Variants in GNAL observed in about 807,000 individuals in gnomAD.
GNAL encodes the protein G protein subunit alpha L.
In GNAL, 18 loss-of-function variants were observed where a neutral mutation model predicts 55.1. That is an observed-to-expected ratio of 0.33 (90% CI 0.23 to 0.48). The LOEUF is 0.48. GNAL is among the 20% of genes least tolerant of loss of function. The pLI, the probability that GNAL is intolerant of heterozygous loss-of-function variation, is 0.99. For synonymous variants in GNAL, 253 were observed against 237.0 expected, an observed-to-expected ratio of 1.07 and a Z score of -0.62; for missense variants, 412 against 614.1, an observed-to-expected ratio of 0.67 and a Z score of 3.48.
rs1455442199 is a variant in GNAL, at chr18:11,769,138, A to G, written c.624+15193A>G. 1.6e-4 allele frequency among the ~76,000 whole-genome samples: 19 copies of G among 121,480 alleles called. No homozygotes were observed. In the Admixed American group the frequency reaches 1.7e-3, roughly 11 times the overall value. 79.7% of individuals were successfully genotyped at this position (121,480 alleles called of 152,430 possible). A position where few individuals can be genotyped will look rare whatever the true frequency, so the allele number is the denominator to read the frequency against. ...ATATAAATTATATGTAATATATATT[A>G]TAATATAGATTATATAAATTATATG... is the stretch of plus-strand genomic sequence containing the variant. On this transcript the variant is annotated intron_variant, in intron 4 of 11. Transcript: ENST00000334049.
chr18:11,703,642 C>T (rs1421094357), intron 1 of GNAL, among the ~76,000 whole-genome samples: 3 of 152,188 alleles, frequency 2.0e-5, no homozygotes, highest in Non-Finnish European at 4.4e-5. Flanking sequence ...ATCCAGTGGA[C>T]TTCGCTGTGC....
At position 11,752,259 on chromosome 18, in the gene GNAL, G is replaced by T; in HGVS notation, c.377-594G>T. ...CCATTTAGTTGGGAGTTTGCGGTGG[G>T]CAGGGGGAGGGAGAAGAAACGCCTG... is the stretch of plus-strand genomic sequence containing the variant. On this transcript the variant is annotated intron_variant, in intron 1 of 11. Transcript: ENST00000334049. The surrounding 1 kb of genome is among the most constrained non-coding windows in gnomAD (Gnocchi z 4.5). 1 of 1,344,068 alleles carries T rather than the reference G, an allele frequency of 7.4e-7. No homozygotes were observed. Among genetic ancestry groups the T allele is most frequent in the African/African-American group, 1.5e-5 (1 of 65,850 alleles). The allele number at this position is 1,344,068 out of a possible 1,614,324, so 83.3% of individuals were successfully genotyped here.
At position 11,882,764 on chromosome 18, in the gene GNAL, C is replaced by T. The variant is rs2036735896; in HGVS notation, c.*1629C>T. 2 of 151,820 alleles carry T rather than the reference C, an allele frequency of 1.3e-5. No homozygotes were observed. Among genetic ancestry groups the T allele is most frequent in the African/African-American group, 4.8e-5 (2 of 41,310 alleles). The allele number at this position is 151,820 out of a possible 1,614,324, so 9.4% of individuals were successfully genotyped here. Reference sequence around the variant, plus strand: ...GAATGAGGATGACAGCTTCACTTGCCTTTTGAAGAAGAAACATTACAAAAC... The same window carrying T: ...GAATGAGGATGACAGCTTCACTTGCTTTTTGAAGAAGAAACATTACAAAAC... On this transcript the variant is annotated 3_prime_UTR_variant, in exon 12 of 12. Coordinates refer to ENST00000334049, the MANE Select transcript of GNAL (RefSeq NM_182978.4).
At chr18:11,842,635 G>T (rs2035644138) in intron 5 of GNAL, among the ~76,000 whole-genome samples, 1 of 152,006 alleles carries the variant, frequency 6.6e-6, no homozygotes, top group African/African-American at 2.4e-5. Context: ...TTACAATAGG[G>T]TTCGTGCTCC....
intron 4 of GNAL, 71 bp downstream of exon 4, chr18:11,754,016 G>T: frequency 3.6e-6 from 4 of 1,115,028 alleles, no homozygotes; most frequent in Non-Finnish European, 5.4e-6. Flanking sequence ...TTCTTATTGA[G>T]AATCAATATT....
intron 1 of GNAL, among the ~76,000 whole-genome samples, chr18:11,705,698 C>T (rs1020069133): frequency 6.6e-6 from 1 of 150,776 alleles, no homozygotes; most frequent in East Asian, 1.9e-4. Context: ...TGCCATTTTC[C>T]TCATGATTAA....
intron 1 of GNAL, among the ~76,000 whole-genome samples, chr18:11,708,639 A>C (rs2031768539): frequency 6.6e-6 from 1 of 152,232 alleles, no homozygotes; most frequent in African/African-American, 2.4e-5. Context: ...ATTTATTAAA[A>C]ATTTGTAAAT....
chr18:11,754,014 G>A (rs1382174791), intron 4 of GNAL, 69 bp downstream of exon 4: 7 of 1,177,244 alleles, frequency 5.9e-6, no homozygotes, highest in African/African-American at 1.5e-5. Context: ...GTTTCTTATT[G>A]AGAATCAATA....
intron 4 of GNAL, among the ~76,000 whole-genome samples, chr18:11,787,716 T>C (rs998268855): frequency 1.3e-5 from 2 of 151,824 alleles, no homozygotes; most frequent in Non-Finnish European, 2.9e-5. Context: ...CTACTAAAAA[T>C]ACAAAAAATT....
At chr18:11,754,366 G>A (rs1255563115) in intron 4 of GNAL, among the ~76,000 whole-genome samples, 1 of 151,084 alleles carries the variant, frequency 6.6e-6, no homozygotes, top group Admixed American at 6.6e-5. Flanking sequence ...GCCATGAGCC[G>A]AGATCACGCC....
At chr18:11,811,747 A>T (rs950774797) in intron 4 of GNAL, among the ~76,000 whole-genome samples, 2 of 152,216 alleles carry the variant, frequency 1.3e-5, no homozygotes, top group African/African-American at 4.8e-5. Flanking sequence ...CAAAAAAGGA[A>T]TCTCCTTTCT....
At chr18:11,796,402 C>T (rs931149327) in intron 4 of GNAL, among the ~76,000 whole-genome samples, 1 of 151,822 alleles carries the variant, frequency 6.6e-6, no homozygotes, top group Non-Finnish European at 1.5e-5. Context: ...ACGGTGAAAC[C>T]CCGTCTCTAC....
chr18:11,728,497 C>T (rs918051527), intron 1 of GNAL, among the ~76,000 whole-genome samples: 2 of 152,192 alleles, frequency 1.3e-5, no homozygotes, highest in Non-Finnish European at 2.9e-5. Flanking sequence ...CATCAAGTCT[C>T]AGCAGCACAG....
rs749489556 is a variant in GNAL, at chr18:11,884,633, A to G, written c.*3498A>G. The G allele has an allele frequency of 6.2e-7, 1 of 1,612,836 alleles. No homozygotes were observed. The stretch of plus-strand genomic sequence containing the variant: ...TCTGTGGGCGTGATGCTACCCTGGA[A>G]AGGAGAAGGGAAAGTTATGCTGAGA... On this transcript the variant is annotated 3_prime_UTR_variant, in exon 12 of 12. Transcript: ENST00000334049.
intron 5 of GNAL, among the ~76,000 whole-genome samples, chr18:11,834,164 A>G (rs1271368547): frequency 6.6e-6 from 1 of 152,250 alleles, no homozygotes; most frequent in African/African-American, 2.4e-5. Flanking sequence ...TTTACTTATT[A>G]TAAACAAACC....
At chr18:11,828,567 A>G (rs143620704) in intron 5 of GNAL, among the ~76,000 whole-genome samples, 1 of 152,120 alleles carries the variant, frequency 6.6e-6, no homozygotes, top group African/African-American at 2.4e-5. Flanking sequence ...GCGTTCTATC[A>G]TCCTTTTTCA....
intron 4 of GNAL, among the ~76,000 whole-genome samples, chr18:11,762,902 T>C (rs1171319202): frequency 6.6e-6 from 1 of 152,222 alleles, no homozygotes; most frequent in Non-Finnish European, 1.5e-5. Flanking sequence ...ACATGGCTTA[T>C]GTCATGATAT....
chr18:11,692,095 C>T (rs149966690), intron 1 of GNAL, among the ~76,000 whole-genome samples: 37 of 152,142 alleles, frequency 2.4e-4, no homozygotes, highest in African/African-American at 3.4e-4. Flanking sequence ...GGCTTTTGAT[C>T]GCAATTTTGT....
At chr18:11,770,228 C>A (rs2033591020) in intron 4 of GNAL, among the ~76,000 whole-genome samples, 1 of 151,788 alleles carries the variant, frequency 6.6e-6, no homozygotes, top group African/African-American at 2.4e-5. Context: ...AATTTTTGAA[C>A]TATTTGAATT....
Sources: allele counts gnomAD v4.1 joint callset (sites outside exome capture counted in the v4.1 genomes callset), GRCh38; gene constraint gnomAD v4.1.1; non-coding constraint Gnocchi (gnomAD v3.1); transcripts MANE v1.5; gene names NCBI Gene and HGNC (gene_info 2026-07-23, HGNC 2026-07-21).